The following PAK5 variants were observed in gnomAD, a reference collection of about 807,000 sequenced individuals.
PAK5 encodes the protein serine/threonine-protein kinase PAK 5.
Under a neutral mutation model 65.9 loss-of-function variants are expected in PAK5, and 16 were observed. The observed-to-expected ratio is 0.24, with a 90% confidence interval of 0.16 to 0.37. The LOEUF is 0.37. PAK5 is among the 10% of genes least tolerant of loss of function. PAK5 has a pLI of 1.00. For synonymous variants in PAK5, 371 were observed against 354.9 expected (o/e 1.05, Z -0.51); for missense variants, 785 against 903.9 (o/e 0.87, Z 1.69).
intron 2 of PAK5, among the ~76,000 whole-genome samples, chr20:9,672,967 A>G (rs2047520888): frequency 6.6e-6 from 1 of 152,008 alleles, no homozygotes; most frequent in African/African-American, 2.4e-5. Context: ...GTCCCTTCTG[A>G]CTCTAAGGTA....
chr20:9,563,119 G>A (rs543002447), intron 5 of PAK5, 95 bp from the exon 6 acceptor site: 101 of 1,095,130 alleles, frequency 9.2e-5, no homozygotes, highest in Non-Finnish European at 2.1e-5. Flanking sequence ...AACTGATTGA[G>A]AGGTACTGAT....
At chr20:9,592,253 T>C (rs757279756) in intron 3 of PAK5, among the ~76,000 whole-genome samples, 66 of 152,314 alleles carry the variant, frequency 4.3e-4, no homozygotes, top group Non-Finnish European at 5.1e-4. Flanking sequence ...ATGTTCAATA[T>C]TTCAGTGATA....
intron 2 of PAK5, among the ~76,000 whole-genome samples, chr20:9,646,050 A>G (rs2047130386): frequency 1.3e-5 from 2 of 152,222 alleles, no homozygotes; most frequent in Admixed American, 1.3e-4. Flanking sequence ...CCTGGCCTAT[A>G]GTAGGGCTCA....
intron 3 of PAK5, among the ~76,000 whole-genome samples, chr20:9,581,663 G>C (rs6056714): frequency 0.3 from 45,622 of 151,922 alleles, 7,250 homozygotes; most frequent in African/African-American, 0.4. Flanking sequence ...AGTAATGATG[G>C]TTGCACCTGG....
intron 7 of PAK5, among the ~76,000 whole-genome samples, chr20:9,552,560 C>T (rs927403300): frequency 6.6e-6 from 1 of 152,126 alleles, no homozygotes; most frequent in Non-Finnish European, 1.5e-5. Context: ...ATTAGTGACT[C>T]GTTAGATATT....
At chr20:9,650,260 G>A (rs6039533) in intron 2 of PAK5, among the ~76,000 whole-genome samples, 53,806 of 151,964 alleles carry the variant, frequency 0.35, 10,065 homozygotes, top group Non-Finnish European at 0.42. Flanking sequence ...TGCTTGCAAG[G>A]GAGACTTTGC....
At chr20:9,683,292 C>T (rs147636593) in intron 2 of PAK5, among the ~76,000 whole-genome samples, 292 of 152,326 alleles carry the variant, frequency 1.9e-3, no homozygotes, top group Admixed American at 4.4e-3. Flanking sequence ...GAGTGAGACT[C>T]GGTTAGCTGT....
At chr20:9,662,100 A>G (rs944259435) in intron 2 of PAK5, among the ~76,000 whole-genome samples, 10 of 152,274 alleles carry the variant, frequency 6.6e-5, no homozygotes, top group African/African-American at 2.2e-4. Context: ...ATTTTAATAT[A>G]TCTAATTTAT....
chr20:9,627,586 A>G (rs985331448), intron 3 of PAK5, among the ~76,000 whole-genome samples: 1 of 152,174 alleles, frequency 6.6e-6, no homozygotes, highest in African/African-American at 2.4e-5. Flanking sequence ...CAAGTGAAAG[A>G]GACCTGCGGT....
chr20:9,717,307 A>G (rs55749142), intron 1 of PAK5, among the ~76,000 whole-genome samples: 6 of 152,160 alleles, frequency 3.9e-5, no homozygotes, highest in African/African-American at 1.4e-4. Flanking sequence ...GAGGCAATTT[A>G]TTATTCCCTG....
chr20:9,831,963 A>G (rs931033634), intron 1 of PAK5, among the ~76,000 whole-genome samples: 1 of 152,120 alleles, frequency 6.6e-6, no homozygotes, highest in Non-Finnish European at 1.5e-5. Context: ...ACAATACAAT[A>G]TATGTAGTAG....
chr20:9,642,183 G>C (rs1360907158), intron 3 of PAK5, among the ~76,000 whole-genome samples: 1 of 152,222 alleles, frequency 6.6e-6, no homozygotes, highest in African/African-American at 2.4e-5. Flanking sequence ...TAATGGGATG[G>C]CTGGGTCAAA....
intron 1 of PAK5, among the ~76,000 whole-genome samples, chr20:9,737,573 GAATA>G (rs1374694273): frequency 6.6e-6 from 1 of 151,952 alleles, no homozygotes; most frequent in Admixed American, 6.6e-5. Context: ...ATAACTGATA[GAATA>G]AATACAGAGA....
At chr20:9,570,767 T>C (rs1172566270) in intron 4 of PAK5, among the ~76,000 whole-genome samples, 1 of 152,222 alleles carries the variant, frequency 6.6e-6, no homozygotes, top group African/African-American at 2.4e-5. Flanking sequence ...CCCACAAGCA[T>C]GTATAACTGA....
At chr20:9,714,433 C>T (rs1270368559) in intron 1 of PAK5, among the ~76,000 whole-genome samples, 1 of 152,096 alleles carries the variant, frequency 6.6e-6, no homozygotes. Flanking sequence ...TGCAACTACT[C>T]TGTGAGAGGT....
intron 3 of PAK5, among the ~76,000 whole-genome samples, chr20:9,620,344 A>G (rs549988594): frequency 2.6e-5 from 4 of 152,334 alleles, no homozygotes; most frequent in South Asian, 2.1e-4. Context: ...GAAAATTTGA[A>G]TTCAGGTCTC....
At chr20:9,699,927 G>A (rs2047918735) in intron 2 of PAK5, among the ~76,000 whole-genome samples, 1 of 152,132 alleles carries the variant, frequency 6.6e-6, no homozygotes, top group Non-Finnish European at 1.5e-5. Context: ...TTACTAAGCA[G>A]TTACCCCTGA....
chr20:9,603,397 A>G (rs1182950774), intron 3 of PAK5, among the ~76,000 whole-genome samples: 2 of 152,096 alleles, frequency 1.3e-5, no homozygotes, highest in Non-Finnish European at 2.9e-5. Context: ...AATCCCTTCC[A>G]TTCATTCCAC....
At chr20:9,664,011 T>TA (rs2047380001) in intron 2 of PAK5, among the ~76,000 whole-genome samples, 1 of 152,064 alleles carries the variant, frequency 6.6e-6, no homozygotes, top group Non-Finnish European at 1.5e-5. Context: ...TCCACAAACA[T>TA]AAAGTTGATT....
Sources: gnomAD v4.1 joint callset for allele counts (sites outside exome capture counted in the v4.1 genomes callset) on GRCh38, gnomAD v4.1.1 for gene constraint, MANE v1.5 for transcripts, NCBI Gene and HGNC (gene_info 2026-07-23, HGNC 2026-07-21) for gene names.